RBBP6: variants seen among roughly 807,000 people sequenced by gnomAD.
The protein encoded by RBBP6 is RB binding protein 6, ubiquitin ligase.
RBBP6 carries 25 observed loss-of-function variants against 167.7 expected under a neutral mutation model. The ratio of observed to expected loss-of-function variants is 0.15; its 90% CI spans 0.11 to 0.21. The LOEUF (loss-of-function observed/expected upper bound fraction) is 0.21, where lower values mean the gene tolerates loss of function less well. Ranked by LOEUF, RBBP6 falls within the 10% of genes least tolerant of loss-of-function variation. The pLI, the probability that RBBP6 is intolerant of heterozygous loss-of-function variation, is 1.00. For synonymous variants in RBBP6, 789 were observed against 735.8 expected (o/e 1.07, Z -1.17); for missense variants, 1,868 against 2,134.2 (o/e 0.88, Z 2.46).
Position 24,541,196 on chromosome 16 carries a change from A to C in RBBP6, c.166+404A>C, listed in dbSNP as rs1459927406. ...GTTCAATCAGCAAAAAAAAAAACAA[A>C]AAAAAAACCAAAAAAACAATTTTCT... is the stretch of plus-strand genomic sequence containing the variant. On this transcript the variant is annotated intron_variant, in intron 1 of 17. Transcript: ENST00000319715. Among the ~76,000 whole-genome samples the C allele has an allele frequency of 8.9e-5, 12 of 134,596 alleles. 1 individual carries two copies. Among genetic ancestry groups the C allele is most frequent in the Admixed American group, 3.8e-4 (5 of 13,192 alleles). 88.3% of individuals were successfully genotyped at this position (134,596 alleles called of 152,430 possible). A position where few individuals can be genotyped will look rare whatever the true frequency, so the allele number is the denominator to read the frequency against.
At position 24,558,138 on chromosome 16, in the gene RBBP6, T is replaced by C. The variant is rs1898962980; in HGVS notation, c.675-1367T>C. ...ACCGCTTCATCTATATTATGTAAAA[T>C]TTTTAAGTAAAAATTTGTGTTGGAA... On this transcript the variant is annotated intron_variant, in intron 7 of 17. Transcript: ENST00000319715. 1.3e-5 allele frequency among the ~76,000 whole-genome samples: 2 copies of C among 152,306 alleles called. 1 individual carries two copies. The highest frequency in any genetic ancestry group is 6.8e-3 in the Middle Eastern group (2 of 294).
chr16:24,553,625 G>T (rs530194503), intron 4 of RBBP6, 68 bp downstream of exon 4: 16 of 1,310,686 alleles, frequency 1.2e-5, no homozygotes, highest in Non-Finnish European at 1.7e-5. Flanking sequence ...TATGTGGAAC[G>T]GTTTTTTAAG....
chr16:24,568,899 G>A lies in RBBP6; in HGVS notation c.2209G>A (p.Gly737Ser), dbSNP rs200762979. The part of the protein sequence containing the change: ...YSRSPPYPRR[G>S]RGKSRNYRSR... ...ACGGTCACCTCCATACCCCAGAAGA[G>A]GCAGAGGCAAGAGCCGCAATTACCG... The change falls in exon 17 of 18, where the codon GGC (glycine) becomes AGC (serine). Residue 737 changes from glycine to serine, a missense_variant. By Grantham distance (56) the Gly-to-Ser change is moderately conservative. Transcript: ENST00000319715. The A allele has an allele frequency of 5.2e-5, 84 of 1,614,118 alleles. No homozygotes were observed. Among genetic ancestry groups the A allele is most frequent in the Non-Finnish European group, 2.6e-5 (31 of 1,180,048 alleles).
chr16:24,571,257 T>C lies in RBBP6; in HGVS notation c.4191T>C (p.Ser1397=). ...TTAAAAGTTCAAAAAACTCTGCATC[T>C]AGTGAAAAAGGGAAAACCAAAGATC... The part of the protein sequence containing the change: ...HEVKSSKNSA[S]SEKGKTKDRD... Residue 1397 remains serine, a synonymous_variant, in exon 18 of 18, where the codon TCT becomes TCC. Transcript: ENST00000319715. 2 of 1,612,232 alleles carry C rather than the reference T, an allele frequency of 1.2e-6. No homozygotes were observed. The highest frequency in any genetic ancestry group is 8.5e-7 in the Non-Finnish European group (1 of 1,179,604).
chr16:24,565,107 C>T (rs1899161522), intron 14 of RBBP6, among the ~76,000 whole-genome samples: 1 of 152,074 alleles, frequency 6.6e-6, no homozygotes, highest in South Asian at 2.1e-4. Flanking sequence ...TTACTTTCTC[C>T]CTGTCAGCAA....
chr16:24,540,967 T>C (rs1038779812), intron 1 of RBBP6, among the ~76,000 whole-genome samples, 175 bp downstream of exon 1: 1 of 152,156 alleles, frequency 6.6e-6, no homozygotes, highest in African/African-American at 2.4e-5. Context: ...GGAGTTTCAC[T>C]GGTTTATTTT....
At chr16:24,570,837 A>T in intron 17 of RBBP6, 39 bp from the exon 18 acceptor site, 1 of 1,343,668 alleles carries the variant, frequency 7.4e-7, no homozygotes, top group South Asian at 2.1e-5. Flanking sequence ...TTAATAGTAA[A>T]TTCTTCATTA....
At chr16:24,546,347 G>C in intron 2 of RBBP6, 85 bp downstream of exon 2, 1 of 1,354,126 alleles carries the variant, frequency 7.4e-7, no homozygotes, top group East Asian at 2.9e-5. Context: ...TTTTAGAACT[G>C]AACTCATTAC....
intron 1 of RBBP6, among the ~76,000 whole-genome samples, chr16:24,541,237 T>C (rs905800992): frequency 6.7e-6 from 1 of 149,952 alleles, no homozygotes; most frequent in African/African-American, 2.4e-5. Flanking sequence ...AACAACATTG[T>C]GGAGTTTGAT....
chr16:24,558,114 C>G (rs1898962221), intron 7 of RBBP6, among the ~76,000 whole-genome samples: 1 of 152,152 alleles, frequency 6.6e-6, no homozygotes, highest in Non-Finnish European at 1.5e-5. Context: ...TAAGAGCAGA[C>G]CGCTTCATCT....
chr16:24,572,500 T>G lies in RBBP6; in HGVS notation c.*55T>G. ...ACTAAGTCATCTGTATTAAATTTTG[T>G]TATAATGTAAAGAGATTCAAGCCTT... On this transcript the variant is annotated 3_prime_UTR_variant, in exon 18 of 18. Transcript: ENST00000319715. The G allele has an allele frequency of 6.8e-7, 1 of 1,474,824 alleles. No individual in the cohort carries two copies. The highest frequency in any genetic ancestry group is 2.2e-4 in the Middle Eastern group (1 of 4,530). The allele number at this position is 1,474,824 out of a possible 1,614,324, so 91.4% of individuals were successfully genotyped here.
rs1206493926 is a variant in RBBP6, at chr16:24,568,747, C to T, written c.2057C>T (p.Ser686Phe). The change falls in exon 17 of 18, where the codon TCT (serine) becomes TTT (phenylalanine). Residue 686 changes from serine (S) to phenylalanine (F), a missense_variant and splice_region_variant. This residue lies in a region of RBBP6 where 145 missense variants were observed against 224.3 expected (regional missense o/e 0.65). Transcript: ENST00000319715. ...CTATTGTTTTGTTTTGTTTTTAGGT[C>T]TAAATCTCCCTATAGTGGTTCTTCG... ...QKERRRSFSRSKSPYSGSSYS... is the reference protein window; with the variant it reads ...QKERRRSFSRFKSPYSGSSYS... 5.6e-6 allele frequency: 9 copies of T among 1,606,690 alleles called. No individual in the cohort carries two copies.
chr16:24,557,147 C>T (rs1442378252), intron 7 of RBBP6, among the ~76,000 whole-genome samples: 1 of 151,904 alleles, frequency 6.6e-6, no homozygotes, highest in Non-Finnish European at 1.5e-5. Context: ...TACAGGCGCC[C>T]GCCACCACGC....
At chr16:24,563,370 C>CTTTTTTTTTTTTT in intron 11 of RBBP6, 53 bp from the exon 12 acceptor site, 1 of 1,308,074 alleles carries the variant, frequency 7.6e-7, no homozygotes, top group South Asian at 1.5e-5. Flanking sequence ...GTTCTTACCT[C>CTTTTTTTTTTTTT]TTTTTTTTTT....
chr16:24,561,776 T>G, intron 9 of RBBP6, 48 bp from the exon 10 acceptor site: 1 of 1,605,894 alleles, frequency 6.2e-7, no homozygotes. Flanking sequence ...TGTACTTCAG[T>G]GAATACTGCA....
rs182344929 is a variant in RBBP6 at position 24,551,266 on chromosome 16, C to T, written c.304-2247C>T. On this transcript the variant is annotated intron_variant, in intron 3 of 17. Coordinates refer to ENST00000319715, the MANE Select transcript of RBBP6 (RefSeq NM_006910.5). The stretch of plus-strand genomic sequence containing the variant: ...GGTTAATTTTAATGTCTACGGTCTG[C>T]ATCAGTCCGTTTTGTGAGGACTTTA... Among the ~76,000 whole-genome samples the T allele has an allele frequency of 1.8e-3, 267 of 151,966 alleles. 2 individuals carry two copies. The highest frequency in any genetic ancestry group is 3.0e-3 in the Non-Finnish European group (200 of 67,760).
At chr16:24,559,736 T>G in intron 8 of RBBP6, 59 bp downstream of exon 8, 1 of 1,389,436 alleles carries the variant, frequency 7.2e-7, no homozygotes, top group South Asian at 1.7e-5. Flanking sequence ...TTACTTGGAA[T>G]GGCTCTTCCC....
chr16:24,567,710 A>G (rs1899229245), intron 15 of RBBP6, 82 bp from the exon 16 acceptor site: 1 of 1,335,418 alleles, frequency 7.5e-7, no homozygotes, highest in East Asian at 2.3e-5. Flanking sequence ...CATTCATTTC[A>G]TTCATGATCT....
At position 24,561,776 on chromosome 16, in the gene RBBP6, T is replaced by C. The variant is rs1184281436; in HGVS notation, c.952-48T>C. 3.7e-6 allele frequency: 6 copies of C among 1,605,776 alleles called. No individual in the cohort carries two copies. The African/African-American group carries it at 4.0e-5, about 11-fold the overall frequency. Reference sequence around the variant, plus strand: ...TTTAACTGATTTAACTGTACTTCAGTGAATACTGCATAACATTTTTCTGCA... The same window carrying C: ...TTTAACTGATTTAACTGTACTTCAGCGAATACTGCATAACATTTTTCTGCA... On this transcript the variant is annotated intron_variant, in intron 9 of 17. Coordinates refer to ENST00000319715, the MANE Select transcript of RBBP6 (RefSeq NM_006910.5).
Sources: gnomAD v4.1 joint callset for allele counts (sites outside exome capture counted in the v4.1 genomes callset) on GRCh38, gnomAD v4.1.1 for gene constraint, gnomAD v4.1.1 regional missense constraint, MANE v1.5 for transcripts, NCBI Gene and HGNC (gene_info 2026-07-23, HGNC 2026-07-21) for gene names.